The following COL19A1 variants were observed in gnomAD, a reference collection of about 807,000 sequenced individuals.
COL19A1 encodes collagen alpha-1(XIX) chain.
In COL19A1, 159 loss-of-function variants were observed where a neutral mutation model predicts 190.2. The ratio of observed to expected loss-of-function variants is 0.84; its 90% CI spans 0.73 to 0.95. The LOEUF (loss-of-function observed/expected upper bound fraction) is 0.95. Among genes scored for constraint, COL19A1 ranks in the 40% least tolerant of loss-of-function variants. The probability of loss-of-function intolerance (pLI) is 0.00; values close to 1 mark genes in which losing one functional copy is unlikely to be tolerated. For synonymous variants in COL19A1, 509 were observed against 458.9 expected, an observed-to-expected ratio of 1.11 and a Z score of -1.39; for missense variants, 1,418 against 1,431.9, an observed-to-expected ratio of 0.99 and a Z score of 0.16.
At chr6:70,128,627 T>C (rs1785339459) in intron 17 of COL19A1, among the ~76,000 whole-genome samples, 1 of 152,138 alleles carries the variant, frequency 6.6e-6, no homozygotes, top group Admixed American at 6.5e-5. Context: ...TGGTGTCAAA[T>C]AAAAAATTGC....
intron 4 of COL19A1, among the ~76,000 whole-genome samples, chr6:69,920,823 A>C (rs1397135914): frequency 6.6e-6 from 1 of 150,394 alleles, no homozygotes; most frequent in Non-Finnish European, 1.5e-5. Context: ...ATTTTTATTT[A>C]TGACATTGAA....
At chr6:69,935,564 T>A (rs182426542) in intron 7 of COL19A1, among the ~76,000 whole-genome samples, 14 of 152,206 alleles carry the variant, frequency 9.2e-5, no homozygotes, top group Non-Finnish European at 1.8e-4. Flanking sequence ...TGGGAACTTG[T>A]TAGGATAAAT....
chr6:69,985,088 A>G (rs1300907822), intron 11 of COL19A1, among the ~76,000 whole-genome samples: 1 of 152,184 alleles, frequency 6.6e-6, no homozygotes, highest in Non-Finnish European at 1.5e-5. Flanking sequence ...ACCTCAAAAC[A>G]TGTCTTTTAA....
chr6:70,056,041 C>T (rs1780488611), intron 14 of COL19A1, among the ~76,000 whole-genome samples: 2 of 152,074 alleles, frequency 1.3e-5, no homozygotes, highest in Admixed American at 6.6e-5. Context: ...TCTAAGCCAT[C>T]TGCAGAATTC....
Position 69,960,046 on chromosome 6 carries a change from G to GTTT in COL19A1, c.981+6_981+7insTTT. 6.2e-7 allele frequency: 1 copy of GTTT among 1,611,840 alleles called. No homozygotes were observed. The highest frequency in any genetic ancestry group is 8.5e-7 in the Non-Finnish European group (1 of 1,179,008). ...CAGGATTCCCTGGTCAAAAGGTAAA[G>GTTT]AGTTCTTGAATGTTTCATCTGAGTT... On this transcript the variant is annotated splice_region_variant and intron_variant, in intron 10 of 50. Transcript: ENST00000620364.
At chr6:70,186,648 A>C (rs1017085209) in intron 46 of COL19A1, among the ~76,000 whole-genome samples, 1 of 152,156 alleles carries the variant, frequency 6.6e-6, no homozygotes. Context: ...TGGTGTGAGG[A>C]TCACTTCCTG....
intron 18 of COL19A1, among the ~76,000 whole-genome samples, chr6:70,135,572 G>A (rs1378864225): frequency 6.6e-6 from 1 of 152,150 alleles, no homozygotes; most frequent in East Asian, 1.9e-4. Context: ...AAGCAGATGG[G>A]CTCACTGCCC....
At chr6:70,179,417 C>T (rs1298806874) in intron 42 of COL19A1, among the ~76,000 whole-genome samples, 1 of 152,196 alleles carries the variant, frequency 6.6e-6, no homozygotes, top group Non-Finnish European at 1.5e-5. Flanking sequence ...GCCTTGTGTG[C>T]TTCCAGTCTC....
At chr6:70,118,444 T>C (rs3806033) in intron 16 of COL19A1, among the ~76,000 whole-genome samples, 66,619 of 152,074 alleles carry the variant, frequency 0.44, 14,829 homozygotes, top group South Asian at 0.53. Context: ...CATCTCTTTC[T>C]AGTCTCTGAA....
chr6:70,055,120 T>C (rs1780417832), intron 14 of COL19A1, among the ~76,000 whole-genome samples: 1 of 152,108 alleles, frequency 6.6e-6, no homozygotes, highest in Non-Finnish European at 1.5e-5. Context: ...ACATATGAAA[T>C]AGACCTAAAT....
At chr6:69,931,839 AG>A (rs1291848851) in intron 6 of COL19A1, among the ~76,000 whole-genome samples, 2 of 152,016 alleles carry the variant, frequency 1.3e-5, no homozygotes, top group Middle Eastern at 3.2e-3. Context: ...GAAAAGTAAA[AG>A]TTATAGATTT....
rs745485162 is a variant in COL19A1, at chr6:70,168,126, C to T, written c.2497-45C>T. ...ATCCAGTTATAGACTGCTGTAAATT[C>T]GTCTCATCTTTCTCTTTTTCTTTTC... On this transcript the variant is annotated intron_variant, in intron 38 of 50. Coordinates refer to ENST00000620364, the MANE Select transcript of COL19A1 (RefSeq NM_001858.6). 17 of 1,604,346 alleles carry T rather than the reference C, an allele frequency of 1.1e-5. No homozygotes were observed. The East Asian group carries it at 1.1e-4, about 11-fold the overall frequency.
At chr6:70,122,035 A>G in intron 17 of COL19A1, 93 bp downstream of exon 17, 1 of 732,774 alleles carries the variant, frequency 1.4e-6, no homozygotes, top group Admixed American at 2.7e-5. Flanking sequence ...AACTTCTCAG[A>G]CTTTTATACA....
intron 15 of COL19A1, among the ~76,000 whole-genome samples, chr6:70,082,638 T>A (rs1782329045): frequency 6.6e-6 from 1 of 152,198 alleles, no homozygotes; most frequent in African/African-American, 2.4e-5. Flanking sequence ...CTCGAACTCC[T>A]GACCTCAGGT....
chr6:69,896,877 T>C (rs1769812579), intron 2 of COL19A1, among the ~76,000 whole-genome samples: 2 of 152,234 alleles, frequency 1.3e-5, no homozygotes, highest in Non-Finnish European at 2.9e-5. Flanking sequence ...TCATTGTATA[T>C]TCTAGAAATG....
At chr6:70,043,597 C>T (rs1393319749) in intron 14 of COL19A1, among the ~76,000 whole-genome samples, 1 of 152,204 alleles carries the variant, frequency 6.6e-6, no homozygotes, top group Non-Finnish European at 1.5e-5. Flanking sequence ...CGACATTCGT[C>T]TCCTTGTACA....
chr6:70,174,905 C>T (rs910847786), intron 41 of COL19A1, among the ~76,000 whole-genome samples: 5 of 152,098 alleles, frequency 3.3e-5, no homozygotes, highest in Non-Finnish European at 5.9e-5. Context: ...AAAGTTGGAA[C>T]GCATGAAATT....
chr6:70,133,013 A>G (rs183714442), intron 18 of COL19A1, among the ~76,000 whole-genome samples: 1 of 152,138 alleles, frequency 6.6e-6, no homozygotes, highest in South Asian at 2.1e-4. Flanking sequence ...GTTCTTTTCT[A>G]TTCACCCATC....
chr6:70,171,984 G>A lies in COL19A1; in HGVS notation c.2589G>A (p.Gly863=), dbSNP rs376748885. 4.0e-5 allele frequency: 64 copies of A among 1,611,834 alleles called. No individual in the cohort carries two copies. The African/African-American group carries it at 6.7e-4, about 17-fold the overall frequency. The change falls in exon 41 of 51, where the codon GGG becomes GGA. Residue 863 remains glycine, a synonymous_variant. Transcript: ENST00000620364. ...PGPVGEPGAM[G]LPGLEGFPGV... ...AACAGGGAGAGCCTGGTGCAATGGG[G>A]TTGCCAGGATTAGAAGGATTTCCAG...
Sources: allele counts gnomAD v4.1 joint callset (sites outside exome capture counted in the v4.1 genomes callset), GRCh38; gene constraint gnomAD v4.1.1; transcripts MANE v1.5; gene names NCBI Gene and HGNC (gene_info 2026-07-23, HGNC 2026-07-21).